Variants in ARMC9 observed in about 807,000 individuals in gnomAD.
ARMC9 encodes the protein lisH domain-containing protein ARMC9.
A neutral mutation model predicts 107.0 loss-of-function variants in ARMC9; 94 were observed. The observed-to-expected ratio is 0.88, with a 90% CI of 0.74 to 1.04. The LOEUF (loss-of-function observed/expected upper bound fraction) is 1.04, where lower values mean the gene tolerates loss of function less well. ARMC9 is among the 50% of genes least tolerant of loss of function. ARMC9 has a pLI of 0.00. For missense variants in ARMC9, 942 were observed against 1,030.1 expected (o/e 0.91, Z 1.17); for synonymous variants, 380 against 396.9 (o/e 0.96, Z 0.51).
chr2:231,222,757 G>A lies in ARMC9; in HGVS notation c.534G>A (p.Lys178=), dbSNP rs1452914316. The A allele has an allele frequency of 1.3e-6, 2 of 1,584,730 alleles. No homozygotes were observed. Among genetic ancestry groups the A allele is most frequent in the Non-Finnish European group, 1.7e-6 (2 of 1,155,846 alleles). ...CCTGGACTCCAGAGTTAAAGTTGAA[G>A]TTGATAAAGTTTCTAGCTTTAATAT... ...QDSWTPELKL[K]LIKFLALISK... Residue 178 remains lysine, a synonymous_variant, in exon 6 of 25, where the codon AAG becomes AAA. Transcript: ENST00000611582.
At chr2:231,371,368 C>A (rs549567870) in intron 24 of ARMC9, 145 bp from the exon 25 acceptor site, 1 of 1,004,342 alleles carries the variant, frequency 1.0e-6, no homozygotes, top group Non-Finnish European at 1.4e-6. Flanking sequence ...GCCCGCCAGT[C>A]GAGCCCAGGC....
chr2:231,317,956 G>A (rs1003925996), intron 19 of ARMC9, among the ~76,000 whole-genome samples: 3 of 151,634 alleles, frequency 2.0e-5, no homozygotes, highest in African/African-American at 7.3e-5. Context: ...TATAATAGCT[G>A]CTTTGAAGTG....
At chr2:231,317,861 TG>T (rs1428059091) in intron 19 of ARMC9, among the ~76,000 whole-genome samples, 1 of 152,210 alleles carries the variant, frequency 6.6e-6, no homozygotes. Context: ...TCTATTTTTC[TG>T]TTGAGATTTC....
At chr2:231,251,784 G>A (rs1191846014) in intron 9 of ARMC9, among the ~76,000 whole-genome samples, 1 of 152,036 alleles carries the variant, frequency 6.6e-6, no homozygotes, top group Non-Finnish European at 1.5e-5. Flanking sequence ...GCACCGCAGT[G>A]GTACAATCAT....
chr2:231,316,571 C>G, intron 19 of ARMC9, among the ~76,000 whole-genome samples: 1 of 151,506 alleles, frequency 6.6e-6, no homozygotes, highest in Non-Finnish European at 1.5e-5. Flanking sequence ...ATCGCTTGAA[C>G]CCAGGAGAAT....
intron 19 of ARMC9, among the ~76,000 whole-genome samples, chr2:231,310,134 G>A (rs1436855777): frequency 2.0e-5 from 3 of 152,204 alleles, no homozygotes; most frequent in African/African-American, 7.2e-5. Context: ...CAGCTATGGG[G>A]CCGGGCGCGG....
At chr2:231,247,838 C>G (rs566857108) in intron 9 of ARMC9, among the ~76,000 whole-genome samples, 4 of 152,066 alleles carry the variant, frequency 2.6e-5, no homozygotes, top group Non-Finnish European at 5.9e-5. Flanking sequence ...GACTGAGGCA[C>G]GAGAATCACT....
intron 9 of ARMC9, among the ~76,000 whole-genome samples, chr2:231,245,309 C>CTT (rs2036655769): frequency 6.6e-6 from 1 of 152,170 alleles, no homozygotes; most frequent in South Asian, 2.1e-4. Context: ...GCACAAGAGG[C>CTT]TGAGTTTTTT....
intron 8 of ARMC9, 51 bp downstream of exon 8, chr2:231,235,432 T>C: frequency 6.2e-7 from 1 of 1,603,560 alleles, no homozygotes; most frequent in Non-Finnish European, 8.5e-7. Flanking sequence ...TGAAGAAGGC[T>C]TATAGGCATG....
At chr2:231,257,520 C>T (rs548531821) in intron 10 of ARMC9, among the ~76,000 whole-genome samples, 1 of 152,170 alleles carries the variant, frequency 6.6e-6, no homozygotes, top group Non-Finnish European at 1.5e-5. Context: ...CCTCCCTCAG[C>T]CCTGCCTGAG....
At chr2:231,314,892 A>G (rs1425585080) in intron 19 of ARMC9, among the ~76,000 whole-genome samples, 1 of 152,208 alleles carries the variant, frequency 6.6e-6, no homozygotes, top group East Asian at 1.9e-4. Flanking sequence ...TTGCCCCAGT[A>G]TCATTTGTTG....
At chr2:231,256,649 TAAG>T (rs771634496) in intron 10 of ARMC9, 29 bp downstream of exon 10, 1 of 1,606,126 alleles carries the variant, frequency 6.2e-7, no homozygotes, top group Non-Finnish European at 8.5e-7. Flanking sequence ...GAATTTTTAT[TAAG>T]GAGAACAGCA....
chr2:231,243,061 A>G (rs2036442833), intron 9 of ARMC9, among the ~76,000 whole-genome samples: 1 of 152,136 alleles, frequency 6.6e-6, no homozygotes, highest in East Asian at 1.9e-4. Context: ...CCTGGCTAAC[A>G]TGGTGAAACC....
chr2:231,303,843 T>C (rs943740046), intron 19 of ARMC9, among the ~76,000 whole-genome samples: 3 of 152,070 alleles, frequency 2.0e-5, no homozygotes, highest in African/African-American at 7.2e-5. Context: ...GGCTGAGGCA[T>C]GAAAATTGCT....
intron 19 of ARMC9, among the ~76,000 whole-genome samples, chr2:231,309,566 G>A (rs551011361): frequency 1.3e-5 from 2 of 152,116 alleles, no homozygotes; most frequent in Non-Finnish European, 2.9e-5. Flanking sequence ...ATTCAAAGAT[G>A]AAATGCTTAG....
intron 10 of ARMC9, among the ~76,000 whole-genome samples, chr2:231,257,659 T>C (rs181086462): frequency 1.2e-4 from 19 of 152,352 alleles, no homozygotes; most frequent in African/African-American, 4.6e-4. Context: ...TTAATTTCTC[T>C]GTGCCTCAGT....
At chr2:231,203,711 G>A (rs540450023) in intron 1 of ARMC9, among the ~76,000 whole-genome samples, 5 of 152,298 alleles carry the variant, frequency 3.3e-5, no homozygotes, top group Non-Finnish European at 7.3e-5. Context: ...TGTAATCCCA[G>A]CACTTTGGGA....
At chr2:231,349,751 AG>A (rs1302159020) in intron 21 of ARMC9, among the ~76,000 whole-genome samples, 1 of 151,986 alleles carries the variant, frequency 6.6e-6, no homozygotes, top group African/African-American at 2.4e-5. Flanking sequence ...ACTGCAATCC[AG>A]CCTAGGTAAC....
rs556249028 is a variant in ARMC9, at chr2:231,358,688, G to A, written c.2132-2066G>A. Among the ~76,000 whole-genome samples, 3 of 152,042 alleles carry A rather than the reference G, an allele frequency of 2.0e-5. No individual in the cohort carries two copies. Among genetic ancestry groups the A allele is most frequent in the South Asian group, 2.1e-4 (1 of 4,824 alleles). ...GAAGAGCCTTTGCGCTTTGCGTTCA[G>A]TCAGCACCGCAGGGAAAACTCATGA... On this transcript the variant is annotated intron_variant, in intron 22 of 24. Transcript: ENST00000611582. The surrounding 1 kb of genome is among the most constrained non-coding windows in gnomAD (Gnocchi z 4.5).
Sources: gnomAD v4.1 joint callset for allele counts (sites outside exome capture counted in the v4.1 genomes callset) on GRCh38, gnomAD v4.1.1 for gene constraint, Gnocchi (gnomAD v3.1) non-coding constraint, MANE v1.5 for transcripts, NCBI Gene and HGNC (gene_info 2026-07-23, HGNC 2026-07-21) for gene names.